THRAP3: variants seen among roughly 807,000 people sequenced by gnomAD.
THRAP3 encodes the protein thyroid hormone receptor associated protein 3.
In THRAP3, 16 loss-of-function variants were observed where a neutral mutation model predicts 101.0. The observed-to-expected ratio is 0.16, with a 90% confidence interval of 0.11 to 0.24. The LOEUF (loss-of-function observed/expected upper bound fraction) is 0.24, where lower values mean the gene tolerates loss of function less well. Among genes scored for constraint, THRAP3 ranks in the 10% least tolerant of loss-of-function variants. The pLI, the probability that THRAP3 is intolerant of heterozygous loss-of-function variation, is 1.00. For missense variants in THRAP3, 989 were observed against 1,202.7 expected, an observed-to-expected ratio of 0.82 and a Z score of 2.63; for synonymous variants, 407 against 422.6, an observed-to-expected ratio of 0.96 and a Z score of 0.45.
chr1:36,295,710 C>G (rs752307692), intron 8 of THRAP3, among the ~76,000 whole-genome samples: 2 of 151,844 alleles, frequency 1.3e-5, no homozygotes, highest in Non-Finnish European at 2.9e-5. Flanking sequence ...ATGAATTCCC[C>G]ATAGTTTTTG....
chr1:36,294,183 G>T (rs780678291), intron 8 of THRAP3: 4 of 1,252,330 alleles, frequency 3.2e-6, no homozygotes, highest in Non-Finnish European at 3.0e-6. Context: ...AAAAAGAGAG[G>T]AGTTTTGGAA....
intron 1 of THRAP3, among the ~76,000 whole-genome samples, chr1:36,239,506 A>G (rs1390308950): frequency 6.6e-6 from 1 of 151,988 alleles, no homozygotes; most frequent in Non-Finnish European, 1.5e-5. Context: ...TGCTCAAGTA[A>G]TCCTCTCACC....
rs557058166 is a variant in THRAP3 at position 36,289,870 on chromosome 1, C to T, written c.1745+106C>T. The T allele has an allele frequency of 4.8e-5, 68 of 1,420,726 alleles. No individual in the cohort carries two copies. In the African/African-American group the frequency reaches 9.1e-4, roughly 19 times the overall value. 88.0% of individuals were successfully genotyped at this position (1,420,726 alleles called of 1,614,324 possible). A position where few individuals can be genotyped will look rare whatever the true frequency, so the allele number is the denominator to read the frequency against. Reference sequence around the variant, plus strand: ...GCTGTATTCCCCCTTCTGTCTTAAGCTTCAGTGGTGATACTTTCATGTCCA... The same window carrying T: ...GCTGTATTCCCCCTTCTGTCTTAAGTTTCAGTGGTGATACTTTCATGTCCA... On this transcript the variant is annotated intron_variant, in intron 5 of 11. Coordinates refer to ENST00000354618, the MANE Select transcript of THRAP3 (RefSeq NM_005119.4).
chr1:36,230,832 A>G (rs1195517412), intron 1 of THRAP3, among the ~76,000 whole-genome samples: 4 of 152,188 alleles, frequency 2.6e-5, no homozygotes, highest in South Asian at 2.1e-4. Flanking sequence ...ATTAGTTGTC[A>G]ACATTTAAAA....
intron 4 of THRAP3, chr1:36,287,810 A>C (rs766043639): frequency 3.1e-5 from 31 of 985,454 alleles, no homozygotes; most frequent in Non-Finnish European, 3.5e-5. Context: ...GTAGAAGCCA[A>C]CACGGCTGCG....
intron 1 of THRAP3, among the ~76,000 whole-genome samples, chr1:36,238,747 C>G (rs1311148069): frequency 6.6e-6 from 1 of 151,918 alleles, no homozygotes; most frequent in Non-Finnish European, 1.5e-5. Flanking sequence ...ATTTCATTGC[C>G]CAGGCTGGAG....
intron 2 of THRAP3, among the ~76,000 whole-genome samples, chr1:36,280,486 G>A (rs1645716517): frequency 1.3e-5 from 2 of 152,210 alleles, no homozygotes; most frequent in African/African-American, 4.8e-5. Context: ...TGGTCAGGGT[G>A]AACCTCTGAG....
chr1:36,253,760 A>ATTTTTTTTTTTTTTTTTTTTTTTTTTTT (rs58306701), intron 1 of THRAP3, among the ~76,000 whole-genome samples: 35 of 100,218 alleles, frequency 3.5e-4, no homozygotes, highest in Admixed American at 9.2e-4. Context: ...AGTCAGGCTA[A>ATTTTTTTTTTTTTTTTTTTTTTTTTTTT]TTTTTTTTTT....
At chr1:36,259,776 AAG>A (rs1553119593) in intron 2 of THRAP3, among the ~76,000 whole-genome samples, 2 of 151,218 alleles carry the variant, frequency 1.3e-5, no homozygotes, top group African/African-American at 2.4e-5. Context: ...AAAAAAAAAA[AAG>A]AAAAGAAAAA....
At chr1:36,218,844 C>T in the THRAP3 span, among the ~76,000 whole-genome samples, 1 of 151,928 alleles carries the variant, frequency 6.6e-6, no homozygotes. Flanking sequence ...ACCAGCCTGG[C>T]CAAGATGGTG....
At chr1:36,292,417 G>A (rs1258098722) in intron 6 of THRAP3, among the ~76,000 whole-genome samples, 181 bp from the exon 7 acceptor site, 3 of 151,112 alleles carry the variant, frequency 2.0e-5, no homozygotes, top group Non-Finnish European at 4.4e-5. Flanking sequence ...GACTACAGGC[G>A]CCCGCCACCA....
chr1:36,220,963 AAAAAAAAAAATAT>A (rs1254891137), upstream of THRAP3, among the ~76,000 whole-genome samples: 1 of 135,882 alleles, frequency 7.4e-6, no homozygotes, highest in African/African-American at 2.9e-5. Context: ...CAAAAAAAAA[AAAAAAAAAAATAT>A]ATATATATAT....
the THRAP3 span, among the ~76,000 whole-genome samples, chr1:36,210,713 A>AT: frequency 4.0e-4 from 2 of 4,998 alleles, 1 homozygote; most frequent in African/African-American, 4.0e-3. Flanking sequence ...GTATATATAT[A>AT]TATATATATA....
intron 1 of THRAP3, among the ~76,000 whole-genome samples, chr1:36,248,724 A>G (rs572395610): frequency 3.3e-5 from 5 of 151,886 alleles, no homozygotes; most frequent in Non-Finnish European, 7.4e-5. Flanking sequence ...GTGAGGGCTC[A>G]CTTGATTTAT....
rs377624941 is a variant in THRAP3, at chr1:36,268,503, CTG to C, written c.-32+9021_-32+9022del. On this transcript the variant is annotated intron_variant, in intron 2 of 11. Transcript: ENST00000354618. The stretch of plus-strand genomic sequence containing the variant: ...ACTTCAGAGGTTATTTTGGGGGAAA[CTG>C]TTTTGTTTTTAAGGATAGACCCACC... 3.3e-3 allele frequency among the ~76,000 whole-genome samples: 507 copies of C among 152,128 alleles called. 6 individuals carry two copies. The highest frequency in any genetic ancestry group is 0.011 in the African/African-American group (468 of 41,508).
intron 9 of THRAP3, among the ~76,000 whole-genome samples, chr1:36,298,530 G>C (rs1214668108): frequency 6.6e-6 from 1 of 152,096 alleles, no homozygotes. Flanking sequence ...ATCTTGCTCT[G>C]TCACCCAGGC....
chr1:36,302,793 G>T (rs1646046310), intron 11 of THRAP3, among the ~76,000 whole-genome samples: 1 of 152,194 alleles, frequency 6.6e-6, no homozygotes, highest in South Asian at 2.1e-4. Flanking sequence ...TGTCTCATGA[G>T]ATTGTCAGAG....
intron 2 of THRAP3, among the ~76,000 whole-genome samples, chr1:36,260,011 G>A (rs2124489202): frequency 6.6e-6 from 1 of 152,242 alleles, no homozygotes; most frequent in Middle Eastern, 3.4e-3. Flanking sequence ...GGGAGGCCAA[G>A]GCAGGTGATC....
At chr1:36,264,179 G>A (rs1645483976) in intron 2 of THRAP3, among the ~76,000 whole-genome samples, 1 of 152,162 alleles carries the variant, frequency 6.6e-6, no homozygotes, top group South Asian at 2.1e-4. Context: ...CCTTCTTGTA[G>A]GCAGGTTTTA....
Sources: allele counts gnomAD v4.1 joint callset (sites outside exome capture counted in the v4.1 genomes callset), GRCh38; gene constraint gnomAD v4.1.1; transcripts MANE v1.5; gene names NCBI Gene and HGNC (gene_info 2026-07-23, HGNC 2026-07-21).